Variants in WDFY4 observed in about 807,000 individuals in gnomAD.
The protein encoded by WDFY4 is WDFY family member 4, also known as WD repeat- and FYVE domain-containing protein 4.
Under a neutral mutation model 351.9 loss-of-function variants are expected in WDFY4, and 169 were observed. The observed-to-expected ratio is 0.48, with a 90% CI of 0.42 to 0.55. WDFY4 has a LOEUF of 0.55. Among genes scored for constraint, WDFY4 ranks in the 20% least tolerant of loss-of-function variants. The pLI, the probability that WDFY4 is intolerant of heterozygous loss-of-function variation, is 0.00. For missense variants in WDFY4, 3,803 were observed against 3,935.6 expected (o/e 0.97, Z 0.90); for synonymous variants, 1,622 against 1,574.6 (o/e 1.03, Z -0.71).
intron 47 of WDFY4, among the ~76,000 whole-genome samples, chr10:48,934,371 C>T (rs914022618): frequency 2.6e-5 from 4 of 152,224 alleles, no homozygotes; most frequent in Non-Finnish European, 4.4e-5. Context: ...AATTGAGTCA[C>T]AACTGCCTGA....
chr10:48,785,340 G>A (rs1032638284), intron 19 of WDFY4, among the ~76,000 whole-genome samples: 4 of 151,822 alleles, frequency 2.6e-5, no homozygotes, highest in African/African-American at 9.7e-5. Context: ...AAAATTTCTG[G>A]TTTTGCTGAA....
At chr10:48,939,199 C>T (rs1406053612) in intron 47 of WDFY4, among the ~76,000 whole-genome samples, 2 of 152,254 alleles carry the variant, frequency 1.3e-5, no homozygotes, top group African/African-American at 4.8e-5. Context: ...GCAGGCCCCA[C>T]TCTGCCACTG....
At chr10:48,978,434 C>A in intron 60 of WDFY4, 41 bp downstream of exon 60, 1 of 1,515,844 alleles carries the variant, frequency 6.6e-7, no homozygotes, top group Non-Finnish European at 8.9e-7. Context: ...TGGCCTTGCC[C>A]TGCCCTCCTC....
At chr10:48,804,455 C>T (rs1471506287) in intron 25 of WDFY4, among the ~76,000 whole-genome samples, 3 of 151,240 alleles carry the variant, frequency 2.0e-5, no homozygotes, top group Non-Finnish European at 4.4e-5. Context: ...GAGCATCTGT[C>T]TTCTCTGCTG....
At chr10:48,824,806 A>AT (rs1317826822) in intron 35 of WDFY4, among the ~76,000 whole-genome samples, 2 of 151,604 alleles carry the variant, frequency 1.3e-5, no homozygotes, top group African/African-American at 4.8e-5. Flanking sequence ...GCCTGGATAA[A>AT]TTTTTTTTTA....
chr10:48,977,603 G>T (rs1338670001), intron 59 of WDFY4, among the ~76,000 whole-genome samples: 2 of 152,256 alleles, frequency 1.3e-5, no homozygotes, highest in African/African-American at 4.8e-5. Flanking sequence ...GTGGGGTGTG[G>T]CCCACATCAG....
At chr10:48,762,227 G>A (rs2065530389) in intron 13 of WDFY4, among the ~76,000 whole-genome samples, 1 of 152,224 alleles carries the variant, frequency 6.6e-6, no homozygotes, top group Non-Finnish European at 1.5e-5. Context: ...GAGAAAAGTG[G>A]AGTGGCGGAG....
At chr10:48,811,960 A>G (rs2067461760) in intron 30 of WDFY4, among the ~76,000 whole-genome samples, 1 of 151,946 alleles carries the variant, frequency 6.6e-6, no homozygotes, top group Admixed American at 6.6e-5. Flanking sequence ...GATCAGTTCT[A>G]TTTTAAAACC....
intron 5 of WDFY4, among the ~76,000 whole-genome samples, chr10:48,725,572 G>C (rs2064241611): frequency 6.6e-6 from 1 of 152,078 alleles, no homozygotes; most frequent in Admixed American, 6.5e-5. Flanking sequence ...CCTTAATTGT[G>C]GGTGACATTT....
chr10:48,900,407 C>T lies in WDFY4; in HGVS notation c.7523+101C>T, dbSNP rs945591569. ...TGTGCTCAGGAAAAGTGTTCTCAAC[C>T]CACAGTGAACGCCACTCAGGCTGGG... On this transcript the variant is annotated intron_variant, in intron 46 of 61. Transcript: ENST00000325239. The T allele has an allele frequency of 2.1e-5, 23 of 1,104,896 alleles. No individual in the cohort carries two copies. The Admixed American group carries it at 5.4e-4, about 26-fold the overall frequency. The allele number at this position is 1,104,896 out of a possible 1,614,324, so 68.4% of individuals were successfully genotyped here. A position where few individuals can be genotyped will look rare whatever the true frequency, so the allele number is the denominator to read the frequency against.
At chr10:48,849,919 T>C (rs1564415692) in intron 39 of WDFY4, among the ~76,000 whole-genome samples, 1 of 152,200 alleles carries the variant, frequency 6.6e-6, no homozygotes, top group Non-Finnish European at 1.5e-5. Context: ...TATTCCTTGT[T>C]TTTTGTGACT....
intron 12 of WDFY4, among the ~76,000 whole-genome samples, chr10:48,752,704 C>T (rs997756498): frequency 1.3e-5 from 2 of 152,220 alleles, no homozygotes; most frequent in African/African-American, 4.8e-5. Context: ...TAACGTATAT[C>T]AGTACTTCTT....
At chr10:48,702,778 A>G (rs192998828) in intron 1 of WDFY4, among the ~76,000 whole-genome samples, 23 of 148,282 alleles carry the variant, frequency 1.6e-4, no homozygotes, top group Admixed American at 1.4e-3. Context: ...TCCTGGGGGT[A>G]TGTTTAACTT....
chr10:48,720,655 C>T, intron 3 of WDFY4, among the ~76,000 whole-genome samples: 1 of 151,752 alleles, frequency 6.6e-6, no homozygotes, highest in East Asian at 1.9e-4. Flanking sequence ...GCAACACAGA[C>T]ACACACACAG....
At chr10:48,920,557 G>A (rs967960100) in intron 47 of WDFY4, among the ~76,000 whole-genome samples, 4 of 152,142 alleles carry the variant, frequency 2.6e-5, no homozygotes, top group Non-Finnish European at 5.9e-5. Flanking sequence ...GCTAGAGCTA[G>A]TATCATACTT....
At chr10:48,941,592 T>C (rs1213028565) in intron 47 of WDFY4, among the ~76,000 whole-genome samples, 1 of 152,192 alleles carries the variant, frequency 6.6e-6, no homozygotes, top group Non-Finnish European at 1.5e-5. Flanking sequence ...GGACACTGAC[T>C]GCAAGAACCT....
chr10:48,710,355 C>G (rs1316373573), intron 2 of WDFY4, among the ~76,000 whole-genome samples: 4 of 152,146 alleles, frequency 2.6e-5, no homozygotes, highest in African/African-American at 9.7e-5. Context: ...AATTGTTTTC[C>G]AAAGGCCCTA....
At chr10:48,696,003 G>A (rs917715485) in intron 1 of WDFY4, among the ~76,000 whole-genome samples, 3 of 152,200 alleles carry the variant, frequency 2.0e-5, no homozygotes, top group Admixed American at 2.0e-4. Flanking sequence ...GCCATGGAAG[G>A]TTTGCTGACC....
In WDFY4 at chr10:48,969,154, G is replaced by A; in HGVS notation, c.8675G>A (p.Arg2892Lys). ...STEKTILAVE[R>K]NKVLLPPLWN... ...GAGAAGACCATTCTGGCTGTAGAGA[G>A]GAACAAAGTGCTGCTGCCTCCTCTC... Residue 2892 changes from arginine to lysine, a missense_variant, in exon 56 of 62, where the codon AGG becomes AAG. Physicochemically the swap from Arg to Lys is conservative, Grantham distance 26. Transcript: ENST00000325239. 1.3e-6 allele frequency: 2 copies of A among 1,551,756 alleles called. No homozygotes were observed. The highest frequency in any genetic ancestry group is 1.7e-6 in the Non-Finnish European group (2 of 1,146,976).
Sources: gnomAD v4.1 joint callset for allele counts (sites outside exome capture counted in the v4.1 genomes callset) on GRCh38, gnomAD v4.1.1 for gene constraint, MANE v1.5 for transcripts, NCBI Gene and HGNC (gene_info 2026-07-23, HGNC 2026-07-21) for gene names.